The following COA1 variants were observed in gnomAD, a reference collection of about 807,000 sequenced individuals.
The protein encoded by COA1 is cytochrome c oxidase assembly factor 1 homolog.
In COA1, 13 loss-of-function variants were observed where a neutral mutation model predicts 16.0. That is an observed-to-expected ratio of 0.81 (90% CI 0.53 to 1.29). COA1 has a LOEUF of 1.29. Ranked by LOEUF, COA1 falls within the 50% of genes most tolerant of loss-of-function variation. COA1 has a pLI of 0.00. For missense variants in COA1, 179 were observed against 177.0 expected, an observed-to-expected ratio of 1.01 and a Z score of -0.06; for synonymous variants, 65 against 65.7, an observed-to-expected ratio of 0.99 and a Z score of 0.05.
At chr7:43,698,113 G>C (rs183065505) in intron 1 of COA1, among the ~76,000 whole-genome samples, 17 of 152,336 alleles carry the variant, frequency 1.1e-4, no homozygotes, top group Admixed American at 1.1e-3. Flanking sequence ...AATACAGGAT[G>C]AAAGTCCAGA....
At chr7:43,695,063 C>T (rs2094487453) in intron 1 of COA1, among the ~76,000 whole-genome samples, 1 of 152,202 alleles carries the variant, frequency 6.6e-6, no homozygotes, top group South Asian at 2.1e-4. Context: ...CCACTTTTCG[C>T]CACCTTCATT....
At chr7:43,712,942 GTTTT>G (rs752013866) in intron 1 of COA1, among the ~76,000 whole-genome samples, 2 of 151,552 alleles carry the variant, frequency 1.3e-5, no homozygotes, top group Admixed American at 6.6e-5. Flanking sequence ...CATATATATG[GTTTT>G]TTTGTCTTGT....
intron 1 of COA1, among the ~76,000 whole-genome samples, chr7:43,682,100 T>C (rs745530493): frequency 6.6e-6 from 1 of 152,112 alleles, no homozygotes; most frequent in Admixed American, 6.5e-5. Context: ...ATGAACGAAA[T>C]AGTGCAAGTT....
chr7:43,664,061 AT>A (rs1224491333), intron 1 of COA1, among the ~76,000 whole-genome samples: 7 of 149,728 alleles, frequency 4.7e-5, no homozygotes, highest in Non-Finnish European at 1.0e-4. Flanking sequence ...CAAAAAATAA[AT>A]TTTTTTTAAA....
At chr7:43,630,801 A>G (rs2085102311) in intron 6 of COA1, among the ~76,000 whole-genome samples, 1 of 152,208 alleles carries the variant, frequency 6.6e-6, no homozygotes, top group Non-Finnish European at 1.5e-5. Flanking sequence ...CATTTGAGAT[A>G]TGGAACTGCT....
chr7:43,710,947 T>C (rs758128132), intron 1 of COA1, among the ~76,000 whole-genome samples: 11 of 152,062 alleles, frequency 7.2e-5, no homozygotes, highest in South Asian at 2.1e-4. Flanking sequence ...GCAAGTCACA[T>C]GGAAGCCTTT....
At chr7:43,685,890 T>C (rs1216109526) in intron 1 of COA1, among the ~76,000 whole-genome samples, 3 of 152,218 alleles carry the variant, frequency 2.0e-5, no homozygotes, top group Non-Finnish European at 2.9e-5. Flanking sequence ...GAAATTTCTA[T>C]AAAATCTGAT....
At chr7:43,716,314 T>C (rs1175685641) in intron 1 of COA1, among the ~76,000 whole-genome samples, 1 of 152,066 alleles carries the variant, frequency 6.6e-6, no homozygotes, top group Non-Finnish European at 1.5e-5. Flanking sequence ...AAAATGCTGA[T>C]AGTGATATGA....
chr7:43,663,413 T>C (rs2092623032), intron 1 of COA1, among the ~76,000 whole-genome samples: 2 of 152,306 alleles, frequency 1.3e-5, no homozygotes, highest in Non-Finnish European at 2.9e-5. Context: ...TTGTCAATCC[T>C]TGTGACAATA....
chr7:43,661,742 C>A (rs1158787146), intron 1 of COA1, among the ~76,000 whole-genome samples: 2 of 151,986 alleles, frequency 1.3e-5, no homozygotes, highest in African/African-American at 4.8e-5. Flanking sequence ...GGTCCTTGTA[C>A]CTCTGGAGGG....
intron 1 of COA1, among the ~76,000 whole-genome samples, chr7:43,683,792 T>C (rs1285778060): frequency 6.6e-6 from 1 of 152,180 alleles, no homozygotes; most frequent in Non-Finnish European, 1.5e-5. Flanking sequence ...GATTGGAAAC[T>C]AGGGGACACA....
intron 6 of COA1, chr7:43,623,864 G>A (rs374135927): frequency 3.8e-6 from 6 of 1,570,260 alleles, no homozygotes; most frequent in Non-Finnish European, 4.3e-6. Flanking sequence ...GATTTCATCA[G>A]GACACTTTTA....
intron 6 of COA1, among the ~76,000 whole-genome samples, chr7:43,612,599 G>A (rs189292772): frequency 3.3e-4 from 51 of 152,300 alleles, no homozygotes; most frequent in African/African-American, 1.2e-3. Context: ...TAGTCTCCAT[G>A]CTGGTTAAAA....
chr7:43,727,023 A>G (rs142982484), intron 1 of COA1, among the ~76,000 whole-genome samples: 2 of 152,366 alleles, frequency 1.3e-5, no homozygotes, highest in African/African-American at 4.8e-5. Flanking sequence ...AACACAAAGA[A>G]AAGATGAACG....
intron 4 of COA1, chr7:43,642,116 A>G (rs1470110394): frequency 1.3e-5 from 2 of 152,252 alleles, no homozygotes; most frequent in Non-Finnish European, 1.5e-5. Context: ...ACATGGCTCC[A>G]TAACTCAGGT....
intron 1 of COA1, among the ~76,000 whole-genome samples, chr7:43,724,318 T>A (rs1003518719): frequency 1.3e-5 from 2 of 151,986 alleles, no homozygotes; most frequent in Non-Finnish European, 2.9e-5. Context: ...TTTGGGACAC[T>A]GAGGTGGGCG....
chr7:43,716,969 C>A (rs906541290), intron 1 of COA1, among the ~76,000 whole-genome samples: 1 of 152,138 alleles, frequency 6.6e-6, no homozygotes, highest in African/African-American at 2.4e-5. Context: ...TACAGGCACA[C>A]AGAAGCTAAG....
intron 6 of COA1, among the ~76,000 whole-genome samples, chr7:43,624,156 A>C (rs564843317): frequency 1.3e-5 from 2 of 152,358 alleles, no homozygotes; most frequent in South Asian, 4.1e-4. Context: ...ATTAATTAGC[A>C]AAACTGTATT....
chr7:43,679,079 G>C (rs1040194266), intron 1 of COA1, among the ~76,000 whole-genome samples: 7 of 152,136 alleles, frequency 4.6e-5, no homozygotes, highest in African/African-American at 1.7e-4. Flanking sequence ...AGGAGGTCGA[G>C]ACCAGCCTGG....
Sources: gnomAD v4.1 joint callset for allele counts (sites outside exome capture counted in the v4.1 genomes callset) on GRCh38, gnomAD v4.1.1 for gene constraint, MANE v1.5 for transcripts, NCBI Gene and HGNC (gene_info 2026-07-23, HGNC 2026-07-21) for gene names.